The following CYTH3 variants were observed in gnomAD, a reference collection of about 807,000 sequenced individuals.
The protein encoded by CYTH3 is cytohesin-3.
In CYTH3, 23 loss-of-function variants were observed where a neutral mutation model predicts 55.1. The observed-to-expected ratio is 0.42, with a 90% CI of 0.30 to 0.59. The LOEUF (loss-of-function observed/expected upper bound fraction) is 0.59. CYTH3 is among the 20% of genes least tolerant of loss of function. The probability of loss-of-function intolerance (pLI) is 0.20; values close to 1 mark genes in which losing one functional copy is unlikely to be tolerated. For synonymous variants in CYTH3, 249 were observed against 194.9 expected (o/e 1.28, Z -2.31); for missense variants, 413 against 524.8 (o/e 0.79, Z 2.08).
chr7:6,229,586 G>C (rs1486289713), intron 1 of CYTH3, among the ~76,000 whole-genome samples: 1 of 150,598 alleles, frequency 6.6e-6, no homozygotes, highest in Non-Finnish European at 1.5e-5. Context: ...AAGGTGGGTG[G>C]ATCACCTGAG....
chr7:6,258,255 A>C (rs1780182497), intron 1 of CYTH3, among the ~76,000 whole-genome samples: 1 of 151,724 alleles, frequency 6.6e-6, no homozygotes, highest in East Asian at 1.9e-4. Context: ...TGAGACCGCA[A>C]AGAGCCATGA....
At chr7:6,206,552 T>C (rs899284098) in intron 1 of CYTH3, among the ~76,000 whole-genome samples, 9 of 152,360 alleles carry the variant, frequency 5.9e-5, no homozygotes, top group African/African-American at 2.2e-4. Flanking sequence ...AGGGTGTGTG[T>C]ACATGACTAC....
chr7:6,235,764 A>C (rs1447527478), intron 1 of CYTH3, among the ~76,000 whole-genome samples: 1 of 152,150 alleles, frequency 6.6e-6, no homozygotes, highest in Non-Finnish European at 1.5e-5. Context: ...GCAAATTATA[A>C]AGCCATTAGA....
intron 6 of CYTH3, chr7:6,172,653 T>C: frequency 4.1e-6 from 4 of 977,450 alleles, no homozygotes; most frequent in Non-Finnish European, 5.0e-6. Context: ...CCTCTCCGGC[T>C]CTCGCCAGAG....
At chr7:6,206,598 T>C (rs1784193620) in intron 1 of CYTH3, among the ~76,000 whole-genome samples, 1 of 152,216 alleles carries the variant, frequency 6.6e-6, no homozygotes, top group South Asian at 2.1e-4. Flanking sequence ...ACGCTCAACA[T>C]TTGGGCGCTT....
chr7:6,248,737 A>C (rs866898544), intron 1 of CYTH3, among the ~76,000 whole-genome samples: 1 of 152,288 alleles, frequency 6.6e-6, no homozygotes, highest in African/African-American at 2.4e-5. Context: ...ACATCTCCAT[A>C]TGTTCCTCAC....
intron 2 of CYTH3, chr7:6,188,823 T>C (rs1396225225): frequency 1.3e-5 from 2 of 152,176 alleles, no homozygotes; most frequent in East Asian, 1.9e-4. Context: ...CCAAATAATA[T>C]ACATCCTTAT....
In CYTH3 at chr7:6,208,485, GCTCCTTGGGAA is replaced by G. The variant is rs556344744; in HGVS notation, c.35-17965_35-17955del. On this transcript the variant is annotated intron_variant, in intron 1 of 12. Transcript: ENST00000350796. Reference sequence around the variant, plus strand: ...AACCTAAGGGCCAAGGACATAGCCAGCTCCTTGGGAACCTTGGCAAAAGTACTTCATTCCAA... The same window carrying G: ...AACCTAAGGGCCAAGGACATAGCCAGCCTTGGCAAAAGTACTTCATTCCAA... 4.5e-4 allele frequency among the ~76,000 whole-genome samples: 69 copies of G among 152,332 alleles called. No individual in the cohort carries two copies. The East Asian group carries it at 0.012, about 27-fold the overall frequency.
intron 1 of CYTH3, among the ~76,000 whole-genome samples, chr7:6,202,298 G>A (rs927631202): frequency 6.6e-6 from 1 of 152,150 alleles, no homozygotes; most frequent in African/African-American, 2.4e-5. Context: ...CCTCAGCCAA[G>A]GCCCCAGACG....
chr7:6,173,777 G>C, intron 5 of CYTH3, 44 bp from the exon 6 acceptor site: 1 of 1,156,278 alleles, frequency 8.6e-7, no homozygotes, highest in South Asian at 1.2e-5. Flanking sequence ...GTACATTATC[G>C]CAATCATTTT....
At chr7:6,259,833 T>TATATATA (rs57061102) in intron 1 of CYTH3, among the ~76,000 whole-genome samples, 1 of 15,628 alleles carries the variant, frequency 6.4e-5, no homozygotes. Flanking sequence ...TATATATATA[T>TATATATA]TTTTTTTTTT....
rs750760590 is a variant in CYTH3 at position 6,187,677 on chromosome 7, A to G, written c.162T>C (p.Asn54=). The change falls in exon 3 of 13, where the codon AAT becomes AAC. Residue 54 remains asparagine, a synonymous_variant. Transcript: ENST00000350796. The stretch of plus-strand genomic sequence containing the variant: ...GTTACCTCTCCTCTACGGAAGTTAG[A>G]TTGTCGATCTCTGTCATCACCTCTG... ...EIAEVMTEID[N]LTSVEESKTT... is the part of the protein sequence containing the mutation. 3.1e-6 allele frequency: 5 copies of G among 1,613,928 alleles called. No homozygotes were observed. In the East Asian group the frequency reaches 8.9e-5, roughly 29 times the overall value.
chr7:6,171,230 C>A lies in CYTH3; in HGVS notation c.534G>T (p.Leu178=), dbSNP rs776285759. Residue 178 remains leucine (L), a synonymous_variant, in exon 7 of 13, where the codon CTG becomes CTT. Coordinates refer to ENST00000350796, the MANE Select transcript of CYTH3 (RefSeq NM_004227.4). This position sits in a 1 kb window ranked among gnomAD's most constrained non-coding sequence, Gnocchi z 6.7. ...MMEAFASRYC[L]CNPGVFQSTD... ...TGGACTGGAAGACCCCGGGGTTGCA[C>A]AGGCAGTAGCGAGAAGCGAAAGCCT... The A allele has an allele frequency of 1.2e-6, 2 of 1,614,058 alleles. No homozygotes were observed. Among genetic ancestry groups the A allele is most frequent in the East Asian group, 4.5e-5 (2 of 44,886 alleles).
At chr7:6,258,014 G>C (rs974542708) in intron 1 of CYTH3, among the ~76,000 whole-genome samples, 1 of 152,136 alleles carries the variant, frequency 6.6e-6, no homozygotes, top group Admixed American at 6.5e-5. Context: ...CATAAGAAAT[G>C]CAACAGGGCT....
chr7:6,226,357 G>A (rs899055264), intron 1 of CYTH3, among the ~76,000 whole-genome samples: 2 of 152,206 alleles, frequency 1.3e-5, no homozygotes, highest in Non-Finnish European at 2.9e-5. Flanking sequence ...TACAGCTGTA[G>A]AACATCTGGC....
At chr7:6,263,066 T>C (rs746472392) in intron 1 of CYTH3, among the ~76,000 whole-genome samples, 5 of 152,184 alleles carry the variant, frequency 3.3e-5, no homozygotes, top group Admixed American at 6.6e-5. Context: ...ACAGTTTCTA[T>C]ACCTCTAACC....
At chr7:6,190,710 C>T (rs961336054) in intron 1 of CYTH3, among the ~76,000 whole-genome samples, 179 bp from the exon 2 acceptor site, 2 of 152,152 alleles carry the variant, frequency 1.3e-5, no homozygotes, top group South Asian at 4.1e-4. Context: ...AACCAGAAAA[C>T]AGCCTAAATA....
At chr7:6,223,505 T>A (rs985899379) in intron 1 of CYTH3, among the ~76,000 whole-genome samples, 2 of 152,210 alleles carry the variant, frequency 1.3e-5, no homozygotes, top group African/African-American at 4.8e-5. Flanking sequence ...TTATTCTGCC[T>A]TGGGATGCTG....
chr7:6,240,478 A>G (rs1779646384), intron 1 of CYTH3, among the ~76,000 whole-genome samples: 1 of 152,138 alleles, frequency 6.6e-6, no homozygotes, highest in African/African-American at 2.4e-5. Flanking sequence ...CATGGTCTCA[A>G]TAAGTAAAAC....
Sources: allele counts gnomAD v4.1 joint callset (sites outside exome capture counted in the v4.1 genomes callset), GRCh38; gene constraint gnomAD v4.1.1; non-coding constraint Gnocchi (gnomAD v3.1); transcripts MANE v1.5; gene names NCBI Gene and HGNC (gene_info 2026-07-23, HGNC 2026-07-21).